ANKDD1A: variants seen among roughly 807,000 people sequenced by gnomAD.
ANKDD1A encodes the protein ankyrin repeat and death domain-containing protein 1A.
Under a neutral mutation model 63.5 loss-of-function variants are expected in ANKDD1A, and 59 were observed. The ratio of observed to expected loss-of-function variants is 0.93; its 90% confidence interval spans 0.75 to 1.15. The LOEUF (loss-of-function observed/expected upper bound fraction) is 1.15, where lower values mean the gene tolerates loss of function less well. ANKDD1A is among the 50% of genes most tolerant of loss of function. The pLI is 0.00. For missense variants in ANKDD1A, 632 were observed against 656.4 expected (o/e 0.96, Z 0.41); for synonymous variants, 266 against 263.9 (o/e 1.01, Z -0.08).
intron 3 of ANKDD1A, among the ~76,000 whole-genome samples, chr15:64,920,995 G>C (rs145850666): frequency 2.6e-5 from 4 of 152,236 alleles, no homozygotes; most frequent in African/African-American, 9.6e-5. Flanking sequence ...TTTTGAGACA[G>C]GGTTTCGCTC....
At chr15:64,915,277 C>G (rs1310761577) in intron 1 of ANKDD1A, among the ~76,000 whole-genome samples, 3 of 152,192 alleles carry the variant, frequency 2.0e-5, no homozygotes, top group East Asian at 1.9e-4. Context: ...TGCACTCCAG[C>G]CTGGGCAACA....
At chr15:64,914,921 AGAG>A (rs1277231237) in intron 1 of ANKDD1A, among the ~76,000 whole-genome samples, 1 of 152,128 alleles carries the variant, frequency 6.6e-6, no homozygotes, top group African/African-American at 2.4e-5. Context: ...GATGGGGGTG[AGAG>A]GAGCACAGAG....
rs762364174 is a variant in ANKDD1A, at chr15:64,949,981, G to A, written c.1483+9G>A. On this transcript the variant is annotated intron_variant, in intron 14 of 14. Coordinates refer to ENST00000319580, the MANE Select transcript of ANKDD1A (RefSeq NM_182703.6). The stretch of plus-strand genomic sequence containing the variant: ...CAGGAGGGACCTGGCTGGTAAGAGC[G>A]TACTCTGCTGGGCTGCTTCTCAGGA... 1.4e-5 allele frequency: 23 copies of A among 1,608,140 alleles called. No individual in the cohort carries two copies. Among genetic ancestry groups the A allele is most frequent in the Middle Eastern group, 1.7e-4 (1 of 5,976 alleles).
At chr15:64,953,463 C>CAG (rs2085340789) in intron 14 of ANKDD1A, among the ~76,000 whole-genome samples, 1 of 11,098 alleles carries the variant, frequency 9.0e-5, no homozygotes, top group African/African-American at 1.1e-4. Context: ...TTCTCTCCTT[C>CAG]TTCTTCTTCC....
At chr15:64,950,631 T>C (rs1374873141) in intron 14 of ANKDD1A, 1 of 985,104 alleles carries the variant, frequency 1.0e-6, no homozygotes, top group Non-Finnish European at 1.2e-6. Flanking sequence ...GAAGTCTCCA[T>C]TAGATATGAG....
intron 1 of ANKDD1A, among the ~76,000 whole-genome samples, chr15:64,915,442 C>T (rs983508240): frequency 6.6e-6 from 1 of 152,180 alleles, no homozygotes; most frequent in Non-Finnish European, 1.5e-5. Flanking sequence ...TTACTGACTC[C>T]AGAGGGAGTT....
intron 8 of ANKDD1A, among the ~76,000 whole-genome samples, chr15:64,933,252 C>T (rs2085104318): frequency 6.6e-6 from 1 of 152,318 alleles, no homozygotes; most frequent in South Asian, 2.1e-4. Context: ...TTGCCCCATA[C>T]TGTCCTGATT....
chr15:64,922,854 G>A (rs556868209), intron 4 of ANKDD1A, among the ~76,000 whole-genome samples: 12 of 152,144 alleles, frequency 7.9e-5, no homozygotes, highest in African/African-American at 2.9e-4. Flanking sequence ...TAGTACTTGT[G>A]ACTTTGTCAC....
chr15:64,945,940 A>G (rs977427374), intron 12 of ANKDD1A, among the ~76,000 whole-genome samples: 30 of 151,996 alleles, frequency 2.0e-4, no homozygotes, highest in African/African-American at 7.2e-4. Context: ...CCGAATTATG[A>G]TTTTTATCAA....
intron 1 of ANKDD1A, among the ~76,000 whole-genome samples, chr15:64,915,516 C>A (rs1479357116): frequency 6.6e-6 from 1 of 152,144 alleles, no homozygotes; most frequent in Non-Finnish European, 1.5e-5. Flanking sequence ...TAATGGGGCA[C>A]ACATTTAGGC....
chr15:64,955,599 T>C (rs1348337260), intron 14 of ANKDD1A, among the ~76,000 whole-genome samples: 2 of 152,164 alleles, frequency 1.3e-5, no homozygotes, highest in Non-Finnish European at 2.9e-5. Flanking sequence ...CTGTGCAGGA[T>C]AGAAATCCTG....
At chr15:64,952,801 TCTCCTTCTC>T (rs1566917045) in intron 14 of ANKDD1A, among the ~76,000 whole-genome samples, 4 of 144,992 alleles carry the variant, frequency 2.8e-5, no homozygotes, top group South Asian at 2.3e-4. Context: ...CTTCTTTTCT[TCTCCTTCTC>T]CTCCTTCTTC....
chr15:64,940,207 C>A (rs2085169756), intron 9 of ANKDD1A, among the ~76,000 whole-genome samples: 2 of 150,836 alleles, frequency 1.3e-5, no homozygotes, highest in African/African-American at 4.9e-5. Context: ...ATACAGATGG[C>A]AAATAAGCAC....
At chr15:64,929,529 A>C (rs1199399878) in intron 6 of ANKDD1A, among the ~76,000 whole-genome samples, 1 of 152,128 alleles carries the variant, frequency 6.6e-6, no homozygotes, top group African/African-American at 2.4e-5. Flanking sequence ...CACTTCTGAT[A>C]CAAAGTACGT....
chr15:64,935,634 CA>C (rs1411300501), intron 9 of ANKDD1A, among the ~76,000 whole-genome samples: 1 of 151,840 alleles, frequency 6.6e-6, no homozygotes, highest in Non-Finnish European at 1.5e-5. Context: ...GAGATCGCAC[CA>C]CTGCACTCCA....
Position 64,949,949 on chromosome 15 carries a change from C to G in ANKDD1A, c.1460C>G (p.Ala487Gly). The change falls in exon 14 of 15, where the codon GCC becomes GGC. Residue 487 changes from alanine (A) to glycine (G), a missense_variant. Coordinates refer to ENST00000319580, the MANE Select transcript of ANKDD1A (RefSeq NM_182703.6). ...PSKALFEGLV[A>G]IGRRDLAGWS... ...AAAGCGCTGTTCGAGGGCCTCGTGG[C>G]CATTGGCAGGAGGGACCTGGCTGGT... 6.2e-7 allele frequency: 1 copy of G among 1,610,212 alleles called. No individual in the cohort carries two copies. The highest frequency in any genetic ancestry group is 1.3e-5 in the African/African-American group (1 of 75,050).
At chr15:64,954,219 TTC>T (rs2085377705) in intron 14 of ANKDD1A, among the ~76,000 whole-genome samples, 1 of 35,768 alleles carries the variant, frequency 2.8e-5, no homozygotes, top group Non-Finnish European at 1.2e-4. Flanking sequence ...TTTCTTCTTC[TTC>T]TTCTTCCTCT....
rs1372011290 is a variant in ANKDD1A, at chr15:64,947,610, C to G, written c.1351+17C>G. On this transcript the variant is annotated intron_variant, in intron 13 of 14. Coordinates refer to ENST00000319580, the MANE Select transcript of ANKDD1A (RefSeq NM_182703.6). ...AGTGGACAGGTACCACCTTGCCTCT[C>G]CTCGCCCTAAGCAACCATTGGGCGG... 1 of 1,611,912 alleles carries G rather than the reference C, an allele frequency of 6.2e-7. No homozygotes were observed. The highest frequency in any genetic ancestry group is 1.7e-5 in the Admixed American group (1 of 59,780).
At chr15:64,947,680 TGAA>T in intron 13 of ANKDD1A, 87 bp downstream of exon 13, 1 of 1,477,764 alleles carries the variant, frequency 6.8e-7, no homozygotes, top group Non-Finnish European at 9.1e-7. Context: ...GTGCTTCTGG[TGAA>T]AGGGCCTGTG....
Sources: allele counts gnomAD v4.1 joint callset (sites outside exome capture counted in the v4.1 genomes callset), GRCh38; gene constraint gnomAD v4.1.1; transcripts MANE v1.5; gene names NCBI Gene and HGNC (gene_info 2026-07-23, HGNC 2026-07-21).